MICU1: variants seen among roughly 807,000 people sequenced by gnomAD.
MICU1 encodes mitochondrial calcium uptake 1.
MICU1 carries 45 observed loss-of-function variants against 56.8 expected under a neutral mutation model. That is an observed-to-expected ratio of 0.79 (90% CI 0.62 to 1.02). The LOEUF (loss-of-function observed/expected upper bound fraction) is 1.02. MICU1 is among the 50% of genes least tolerant of loss of function. The pLI, the probability that MICU1 is intolerant of heterozygous loss-of-function variation, is 0.00. For missense variants in MICU1, 504 were observed against 587.1 expected, an observed-to-expected ratio of 0.86 and a Z score of 1.46; for synonymous variants, 186 against 195.1, an observed-to-expected ratio of 0.95 and a Z score of 0.39.
chr10:72,572,700 A>C (rs189644071), intron 1 of MICU1, among the ~76,000 whole-genome samples: 1 of 152,230 alleles, frequency 6.6e-6, no homozygotes, highest in East Asian at 1.9e-4. Flanking sequence ...AATGGCTCCG[A>C]AAACTGTGAA....
intron 8 of MICU1, among the ~76,000 whole-genome samples, chr10:72,449,819 CAT>C (rs1316674612): frequency 3.3e-5 from 5 of 151,988 alleles, no homozygotes; most frequent in Non-Finnish European, 7.4e-5. Flanking sequence ...GGAGTTCCCA[CAT>C]ATGTTTGGGA....
chr10:72,564,531 TC>T (rs1840376518), intron 2 of MICU1, among the ~76,000 whole-genome samples: 1 of 113,518 alleles, frequency 8.8e-6, no homozygotes, highest in Non-Finnish European at 1.7e-5. Context: ...AGAGTGAGAC[TC>T]CATCTCAAAA....
intron 3 of MICU1, among the ~76,000 whole-genome samples, chr10:72,555,285 C>T (rs1412221790): frequency 6.6e-6 from 1 of 151,960 alleles, no homozygotes; most frequent in African/African-American, 2.4e-5. Context: ...TTTACTGTTA[C>T]TTAACTTCAC....
intron 1 of MICU1, among the ~76,000 whole-genome samples, chr10:72,613,755 T>C (rs1202400820): frequency 1.3e-5 from 2 of 152,132 alleles, no homozygotes; most frequent in Non-Finnish European, 2.9e-5. Context: ...AATAAGACTA[T>C]CTTTGGTTTT....
chr10:72,586,261 C>T (rs1035597375), intron 1 of MICU1, among the ~76,000 whole-genome samples: 3 of 151,978 alleles, frequency 2.0e-5, no homozygotes, highest in African/African-American at 4.8e-5. Flanking sequence ...ACACTCCCAC[C>T]TTAGCCTCCC....
At chr10:72,491,633 C>T (rs1352065089) in intron 6 of MICU1, among the ~76,000 whole-genome samples, 1 of 152,132 alleles carries the variant, frequency 6.6e-6, no homozygotes, top group Non-Finnish European at 1.5e-5. Flanking sequence ...TGGATCACTT[C>T]AGGCCCGGAG....
At chr10:72,610,604 T>C (rs1249519265) in intron 1 of MICU1, among the ~76,000 whole-genome samples, 1 of 152,142 alleles carries the variant, frequency 6.6e-6, no homozygotes, top group Non-Finnish European at 1.5e-5. Flanking sequence ...AGCTACAGCT[T>C]TGGGAAACAG....
At chr10:72,476,476 G>T (rs1014282251) in intron 7 of MICU1, among the ~76,000 whole-genome samples, 4 of 151,950 alleles carry the variant, frequency 2.6e-5, no homozygotes, top group Non-Finnish European at 4.4e-5. Context: ...TCCCCCAACC[G>T]CCTCTGCCTC....
chr10:72,611,491 C>T (rs189689129), intron 1 of MICU1, among the ~76,000 whole-genome samples: 1 of 149,584 alleles, frequency 6.7e-6, no homozygotes. Context: ...TGTGGTGGTG[C>T]GTGCCTGTAA....
At chr10:72,434,869 G>C (rs1181188213) in intron 8 of MICU1, among the ~76,000 whole-genome samples, 1 of 152,128 alleles carries the variant, frequency 6.6e-6, no homozygotes, top group Non-Finnish European at 1.5e-5. Context: ...TCATAAGAGA[G>C]TTGGAAATTT....
At chr10:72,485,515 A>C (rs1373948926) in intron 6 of MICU1, among the ~76,000 whole-genome samples, 1 of 151,680 alleles carries the variant, frequency 6.6e-6, no homozygotes, top group Middle Eastern at 3.2e-3. Context: ...CCTCCCAACC[A>C]TTCTGTGACG....
At chr10:72,431,051 CTG>C (rs1409806879) in intron 8 of MICU1, among the ~76,000 whole-genome samples, 1 of 151,920 alleles carries the variant, frequency 6.6e-6, no homozygotes, top group Non-Finnish European at 1.5e-5. Context: ...TTCATTTTTA[CTG>C]TTACAGATTT....
At chr10:72,378,547 G>A (rs1406046896) in intron 10 of MICU1, among the ~76,000 whole-genome samples, 1 of 152,154 alleles carries the variant, frequency 6.6e-6, no homozygotes, top group African/African-American at 2.4e-5. Flanking sequence ...ACAGCCTGTG[G>A]AACTGTGAGC....
chr10:72,616,590 A>C (rs1403115263), intron 1 of MICU1, among the ~76,000 whole-genome samples: 1 of 151,622 alleles, frequency 6.6e-6, no homozygotes, highest in African/African-American at 2.4e-5. Flanking sequence ...TCCATCTAAA[A>C]AAAAAAAAAA....
chr10:72,511,739 G>A (rs542803509), intron 5 of MICU1, among the ~76,000 whole-genome samples: 2 of 152,280 alleles, frequency 1.3e-5, no homozygotes, highest in South Asian at 4.1e-4. Flanking sequence ...AAGTTTCAAC[G>A]TTTTAACATA....
chr10:72,534,452 T>G (rs993182551), intron 4 of MICU1, among the ~76,000 whole-genome samples: 1 of 152,100 alleles, frequency 6.6e-6, no homozygotes, highest in East Asian at 1.9e-4. Context: ...AATGAATGAA[T>G]AAGAAACAGT....
At chr10:72,526,932 C>CAA (rs57033966) in intron 5 of MICU1, among the ~76,000 whole-genome samples, 1,903 of 127,496 alleles carry the variant, frequency 0.015, 56 homozygotes, top group African/African-American at 0.054. Flanking sequence ...GTAATGGCTT[C>CAA]AAAAAAAAAA....
At chr10:72,569,663 A>G (rs1190955187) in intron 1 of MICU1, among the ~76,000 whole-genome samples, 1 of 152,156 alleles carries the variant, frequency 6.6e-6, no homozygotes, top group Non-Finnish European at 1.5e-5. Context: ...AGAATGGTGT[A>G]AAATTTTGAT....
At position 72,584,811 on chromosome 10, in the gene MICU1, G is replaced by C. The variant is rs368406531; in HGVS notation, c.-1-18017C>G. On this transcript the variant is annotated intron_variant, in intron 1 of 11. Transcript: ENST00000361114. ...CCTACCTCAGCCTCCCAAAGTGCTG[G>C]GATTATACGTGTGAGCCACCATTCT... Among the ~76,000 whole-genome samples the C allele has an allele frequency of 3.4e-4, 52 of 151,956 alleles. 1 individual carries two copies. In the East Asian group the frequency reaches 5.0e-3, roughly 15 times the overall value.
Sources: allele counts gnomAD v4.1 joint callset (sites outside exome capture counted in the v4.1 genomes callset), GRCh38; gene constraint gnomAD v4.1.1; transcripts MANE v1.5; gene names NCBI Gene and HGNC (gene_info 2026-07-23, HGNC 2026-07-21).